RAB38: variants seen among roughly 807,000 people sequenced by gnomAD.
The protein encoded by RAB38 is RAB38, member RAS oncogene family.
RAB38 carries 15 observed loss-of-function variants against 18.4 expected under a neutral mutation model. The ratio of observed to expected loss-of-function variants is 0.82; its 90% CI spans 0.55 to 1.26. The LOEUF (loss-of-function observed/expected upper bound fraction) is 1.26. RAB38 is among the 50% of genes most tolerant of loss of function. RAB38 has a pLI of 0.00. For missense variants in RAB38, 294 were observed against 267.4 expected (o/e 1.10, Z -0.69); for synonymous variants, 101 against 104.4 (o/e 0.97, Z 0.20).
intron 2 of RAB38, among the ~76,000 whole-genome samples, chr11:88,126,031 T>C (rs983741871): frequency 5.3e-5 from 8 of 152,312 alleles, no homozygotes; most frequent in East Asian, 1.9e-4. Flanking sequence ...GTTGTAGATA[T>C]GTGGCATTAC....
chr11:88,014,660 G>A, the RAB38 span, among the ~76,000 whole-genome samples: 5 of 152,042 alleles, frequency 3.3e-5, no homozygotes. Context: ...GGCCTGGTTT[G>A]TACCCTGACA....
chr11:87,962,514 G>A, the RAB38 span, among the ~76,000 whole-genome samples: 96 of 152,100 alleles, frequency 6.3e-4, no homozygotes, highest in African/African-American at 2.1e-3. Context: ...GGGGCAGGGG[G>A]GAAGAAGGAT....
chr11:87,869,099 A>G, the RAB38 span, among the ~76,000 whole-genome samples: 1 of 151,700 alleles, frequency 6.6e-6, no homozygotes, highest in Non-Finnish European at 1.5e-5. Flanking sequence ...TCTAGGGAGC[A>G]AAACCATAAA....
the RAB38 span, among the ~76,000 whole-genome samples, chr11:87,840,118 A>G: frequency 5.3e-5 from 8 of 152,170 alleles, no homozygotes; most frequent in Admixed American, 5.2e-4. Flanking sequence ...TTTGGTGGAA[A>G]GGAGAGAGAA....
At chr11:87,949,491 A>G in the RAB38 span, among the ~76,000 whole-genome samples, 10 of 152,092 alleles carry the variant, frequency 6.6e-5, no homozygotes, top group African/African-American at 1.7e-4. Context: ...TAGGGTGTCA[A>G]TTTTAGATCT....
the RAB38 span, among the ~76,000 whole-genome samples, chr11:88,029,188 T>C: frequency 2.0e-5 from 3 of 151,902 alleles, no homozygotes; most frequent in Non-Finnish European, 2.9e-5. Context: ...CTGAGAGATT[T>C]TGTCACCACC....
chr11:88,012,226 C>T, the RAB38 span, among the ~76,000 whole-genome samples: 1 of 152,122 alleles, frequency 6.6e-6, no homozygotes, highest in Non-Finnish European at 1.5e-5. Context: ...ACACAGCCAC[C>T]AGAAGCTTCT....
rs573856741 is a variant in RAB38 at position 88,130,946 on chromosome 11, T to A, written c.484-16806A>T. On this transcript the variant is annotated intron_variant, in intron 2 of 2. Coordinates refer to ENST00000243662, the MANE Select transcript of RAB38 (RefSeq NM_022337.3). ...TCAGTTCATTGTTGGTAAGTATAAA[T>A]TAGTTCATCATTTTTGAAAATATGT... 9.9e-5 allele frequency among the ~76,000 whole-genome samples: 15 copies of A among 152,264 alleles called. No individual in the cohort carries two copies. In the South Asian group the frequency reaches 3.1e-3, roughly 32 times the overall value.
the RAB38 span, among the ~76,000 whole-genome samples, chr11:88,034,377 C>A: frequency 6.6e-6 from 1 of 152,212 alleles, no homozygotes; most frequent in Non-Finnish European, 1.5e-5. Context: ...CCCAAGAACA[C>A]AAATGCTGGG....
At chr11:88,031,483 T>C in the RAB38 span, among the ~76,000 whole-genome samples, 8 of 151,986 alleles carry the variant, frequency 5.3e-5, no homozygotes, top group South Asian at 2.1e-4. Flanking sequence ...GAAAACCCCA[T>C]TGTCTCAGCC....
chr11:87,814,517 A>G, the RAB38 span, among the ~76,000 whole-genome samples: 2 of 152,200 alleles, frequency 1.3e-5, no homozygotes, highest in African/African-American at 4.8e-5. Context: ...ACTAATGTAT[A>G]AGTGCTAGTT....
At chr11:87,852,280 G>A in the RAB38 span, among the ~76,000 whole-genome samples, 1 of 152,228 alleles carries the variant, frequency 6.6e-6, no homozygotes, top group South Asian at 2.1e-4. Context: ...AGGTGAAAAG[G>A]ATCTTTCTGC....
chr11:88,025,450 T>C, the RAB38 span, among the ~76,000 whole-genome samples: 2 of 152,282 alleles, frequency 1.3e-5, no homozygotes, highest in Admixed American at 6.5e-5. Context: ...CTTTGAGAAA[T>C]CTCTAACCTA....
chr11:87,966,515 G>A, the RAB38 span, among the ~76,000 whole-genome samples: 1 of 152,086 alleles, frequency 6.6e-6, no homozygotes, highest in Non-Finnish European at 1.5e-5. Flanking sequence ...TTCCAAGAAG[G>A]CAGCAATGCC....
intron 2 of RAB38, among the ~76,000 whole-genome samples, chr11:88,129,710 T>C (rs1279203528): frequency 1.3e-5 from 2 of 152,168 alleles, no homozygotes; most frequent in African/African-American, 2.4e-5. Context: ...TAGACTGACA[T>C]TTTAAGGACA....
chr11:88,049,141 T>C, the RAB38 span, among the ~76,000 whole-genome samples: 1 of 151,926 alleles, frequency 6.6e-6, no homozygotes, highest in Non-Finnish European at 1.5e-5. Context: ...GCCCATTATC[T>C]CTCCATACCA....
At chr11:87,913,440 CT>C in the RAB38 span, among the ~76,000 whole-genome samples, 1 of 152,070 alleles carries the variant, frequency 6.6e-6, no homozygotes, top group East Asian at 1.9e-4. Flanking sequence ...TAAGTAACCC[CT>C]GAACATTAAA....
intron 2 of RAB38, among the ~76,000 whole-genome samples, chr11:88,122,918 A>C (rs1942648123): frequency 1.3e-5 from 2 of 152,238 alleles, no homozygotes; most frequent in African/African-American, 4.8e-5. Context: ...TCAAGCTTTA[A>C]AACTTGGTTT....
the RAB38 span, among the ~76,000 whole-genome samples, chr11:87,931,855 T>A: frequency 9.4e-4 from 142 of 151,262 alleles, no homozygotes; most frequent in African/African-American, 3.4e-3. Context: ...GTTCTCTGAC[T>A]AACGAAGCAG....
Sources: gnomAD v4.1 joint callset for allele counts (sites outside exome capture counted in the v4.1 genomes callset) on GRCh38, gnomAD v4.1.1 for gene constraint, MANE v1.5 for transcripts, NCBI Gene and HGNC (gene_info 2026-07-23, HGNC 2026-07-21) for gene names.